CFAP299: variants seen among roughly 807,000 people sequenced by gnomAD.
CFAP299 encodes the protein cilia- and flagella-associated protein 299.
In CFAP299, 21 loss-of-function variants were observed where a neutral mutation model predicts 27.0. That is an observed-to-expected ratio of 0.78 (90% CI 0.55 to 1.12). CFAP299 has a LOEUF of 1.12. Ranked by LOEUF, CFAP299 falls within the 50% of genes most tolerant of loss-of-function variation. The probability of loss-of-function intolerance (pLI) is 0.00; values close to 1 mark genes in which losing one functional copy is unlikely to be tolerated. For missense variants in CFAP299, 310 were observed against 276.6 expected, an observed-to-expected ratio of 1.12 and a Z score of -0.86; for synonymous variants, 104 against 98.1, an observed-to-expected ratio of 1.06 and a Z score of -0.36.
intron 2 of CFAP299, among the ~76,000 whole-genome samples, chr4:80,424,547 G>A (rs1727445728): frequency 6.6e-6 from 1 of 152,178 alleles, no homozygotes; most frequent in Admixed American, 6.5e-5. Context: ...TTAGGAAACT[G>A]TGGAGACAAG....
intron 2 of CFAP299, among the ~76,000 whole-genome samples, chr4:80,383,911 A>G (rs931175635): frequency 6.6e-6 from 1 of 152,026 alleles, no homozygotes; most frequent in African/African-American, 2.4e-5. Flanking sequence ...TTCAGAATTA[A>G]TATTGTTCTT....
At chr4:80,408,043 TTC>T (rs1242588259) in intron 2 of CFAP299, among the ~76,000 whole-genome samples, 1 of 152,236 alleles carries the variant, frequency 6.6e-6, no homozygotes, top group East Asian at 1.9e-4. Flanking sequence ...GTCTCACATT[TTC>T]TTGTTGATGG....
chr4:80,718,954 G>A (rs1043811833), intron 3 of CFAP299, among the ~76,000 whole-genome samples: 2 of 152,182 alleles, frequency 1.3e-5, no homozygotes, highest in Admixed American at 1.3e-4. Flanking sequence ...GGAATACTAT[G>A]CAGCCATAAA....
At chr4:80,341,740 C>T (rs980589721) in intron 1 of CFAP299, among the ~76,000 whole-genome samples, 2 of 152,192 alleles carry the variant, frequency 1.3e-5, no homozygotes, top group Non-Finnish European at 1.5e-5. Flanking sequence ...AATGCTGAAA[C>T]TCGAAAAGCC....
chr4:80,510,227 A>C (rs1732229457), intron 2 of CFAP299, among the ~76,000 whole-genome samples: 1 of 152,154 alleles, frequency 6.6e-6, no homozygotes, highest in African/African-American at 2.4e-5. Flanking sequence ...ACCAAATTGC[A>C]CTACAAGTTA....
intron 3 of CFAP299, among the ~76,000 whole-genome samples, chr4:80,659,131 A>C (rs1740703611): frequency 6.6e-6 from 1 of 152,140 alleles, no homozygotes; most frequent in Non-Finnish European, 1.5e-5. Flanking sequence ...CCTAATAACA[A>C]CTGCCTAACT....
intron 3 of CFAP299, among the ~76,000 whole-genome samples, chr4:80,787,786 C>A (rs1727328990): frequency 6.6e-6 from 1 of 151,940 alleles, no homozygotes; most frequent in South Asian, 2.1e-4. Context: ...CTTTCACTTT[C>A]TAGGGATATC....
chr4:80,322,519 A>G, the CFAP299 span, among the ~76,000 whole-genome samples: 2 of 152,140 alleles, frequency 1.3e-5, no homozygotes, highest in South Asian at 4.1e-4. Context: ...TTCTTAAAAT[A>G]CTTTTTTTTT....
In CFAP299 at chr4:80,669,149, C is replaced by CT. The variant is rs869091451; in HGVS notation, c.333+85995dup. Among the ~76,000 whole-genome samples, 80 of 17,152 alleles carry CT rather than the reference C, an allele frequency of 4.7e-3. 5 individuals are homozygous for CT. Among genetic ancestry groups the CT allele is most frequent in the African/African-American group, 6.0e-3 (28 of 4,680 alleles). The allele number at this position is 17,152 out of a possible 152,430, so 11.3% of individuals were successfully genotyped here. A position where few individuals can be genotyped will look rare whatever the true frequency, so the allele number is the denominator to read the frequency against. ...CTTTTCTGTCTTTCTTTCTTTCTTT[C>CT]TTTTTTTTTTTTTTTTTTTTTTTTT... On this transcript the variant is annotated intron_variant, in intron 3 of 5. Coordinates refer to ENST00000358105, the MANE Select transcript of CFAP299 (RefSeq NM_152770.3).
chr4:80,618,783 A>T lies in CFAP299; in HGVS notation c.333+35600A>T, dbSNP rs141984935. Among the ~76,000 whole-genome samples, 33 of 152,214 alleles carry T rather than the reference A, an allele frequency of 2.2e-4. No individual in the cohort carries two copies. The East Asian group carries it at 5.0e-3, about 23-fold the overall frequency. On this transcript the variant is annotated intron_variant, in intron 3 of 5. Transcript: ENST00000358105. ...AGTCCAATTGAGGATAAGTTGGCTAATAACAAGTGGATTTTTACTTAGTGT... is the reference window on the plus strand; with the variant it reads ...AGTCCAATTGAGGATAAGTTGGCTATTAACAAGTGGATTTTTACTTAGTGT...
chr4:80,842,457 C>T lies in CFAP299; in HGVS notation c.334-27536C>T, dbSNP rs183975869. On this transcript the variant is annotated intron_variant, in intron 3 of 5. Coordinates refer to ENST00000358105, the MANE Select transcript of CFAP299 (RefSeq NM_152770.3). The stretch of plus-strand genomic sequence containing the variant: ...TGTCATATATAACTTGAGAAAATTA[C>T]TTAACGCCTCTTAAATCACAGTTTT... 6.6e-5 allele frequency among the ~76,000 whole-genome samples: 10 copies of T among 152,230 alleles called. No homozygotes were observed. The East Asian group carries it at 1.9e-3, about 29-fold the overall frequency.
intron 3 of CFAP299, among the ~76,000 whole-genome samples, chr4:80,604,489 A>G (rs879823890): frequency 6.6e-6 from 1 of 152,176 alleles, no homozygotes; most frequent in Non-Finnish European, 1.5e-5. Context: ...CAAGCTGACA[A>G]TTGAAACTCA....
chr4:80,822,165 T>A (rs1384630845), intron 3 of CFAP299, among the ~76,000 whole-genome samples: 1 of 152,192 alleles, frequency 6.6e-6, no homozygotes, highest in African/African-American at 2.4e-5. Context: ...TTTTTCGGGA[T>A]CCAACTTCTT....
rs563127587 is a variant in CFAP299 at position 80,621,517 on chromosome 4, A to C, written c.333+38334A>C. 5.7e-4 allele frequency among the ~76,000 whole-genome samples: 86 copies of C among 152,210 alleles called. 1 individual carries two copies. The highest frequency in any genetic ancestry group is 1.9e-3 in the African/African-American group (79 of 41,558). On this transcript the variant is annotated intron_variant, in intron 3 of 5. Transcript: ENST00000358105. Reference sequence around the variant, plus strand: ...ACAATATCATTTGTTGATTTAATAAATGAATTCTTACAGCTAGTTTGGAAG... The same window carrying C: ...ACAATATCATTTGTTGATTTAATAACTGAATTCTTACAGCTAGTTTGGAAG...
At chr4:80,777,834 A>G (rs1321778831) in intron 3 of CFAP299, among the ~76,000 whole-genome samples, 1 of 152,148 alleles carries the variant, frequency 6.6e-6, no homozygotes, top group Non-Finnish European at 1.5e-5. Flanking sequence ...TTCCTTTAAT[A>G]TAATTCAGTG....
intron 2 of CFAP299, among the ~76,000 whole-genome samples, chr4:80,499,444 T>C (rs532902257): frequency 1.3e-5 from 2 of 152,306 alleles, no homozygotes; most frequent in South Asian, 2.1e-4. Flanking sequence ...AGATATTTTT[T>C]CCATGTAATG....
chr4:80,676,616 G>A (rs1383637280), intron 3 of CFAP299, among the ~76,000 whole-genome samples: 2 of 151,696 alleles, frequency 1.3e-5, no homozygotes, highest in East Asian at 1.9e-4. Context: ...TTTTATTATA[G>A]CTTCAATTTG....
intron 3 of CFAP299, among the ~76,000 whole-genome samples, chr4:80,615,921 G>A (rs1489589602): frequency 6.6e-6 from 1 of 152,034 alleles, no homozygotes; most frequent in Non-Finnish European, 1.5e-5. Flanking sequence ...CCTTGCAGGG[G>A]CAGTCACTCT....
At chr4:80,447,812 C>G (rs1288176854) in intron 2 of CFAP299, among the ~76,000 whole-genome samples, 1 of 152,134 alleles carries the variant, frequency 6.6e-6, no homozygotes, top group African/African-American at 2.4e-5. Flanking sequence ...TCCTCCCACC[C>G]CATCCCCATC....
Sources: allele counts gnomAD v4.1 joint callset (sites outside exome capture counted in the v4.1 genomes callset), GRCh38; gene constraint gnomAD v4.1.1; transcripts MANE v1.5; gene names NCBI Gene and HGNC (gene_info 2026-07-23, HGNC 2026-07-21).